HORMAD2: variants seen among roughly 807,000 people sequenced by gnomAD.
The protein encoded by HORMAD2 is HORMA domain-containing protein 2.
Under a neutral mutation model 38.8 loss-of-function variants are expected in HORMAD2, and 45 were observed. That is an observed-to-expected ratio of 1.16 (90% CI 0.91 to 1.49). HORMAD2 has a LOEUF of 1.49. HORMAD2 is among the 40% of genes most tolerant of loss of function. The probability of loss-of-function intolerance (pLI) is 0.00; values close to 1 mark genes in which losing one functional copy is unlikely to be tolerated. For missense variants in HORMAD2, 338 were observed against 367.0 expected, an observed-to-expected ratio of 0.92 and a Z score of 0.65; for synonymous variants, 126 against 122.8, an observed-to-expected ratio of 1.03 and a Z score of -0.17.
intron 10 of HORMAD2, among the ~76,000 whole-genome samples, chr22:30,135,559 C>A (rs1356909976): frequency 2.0e-5 from 3 of 152,070 alleles, no homozygotes; most frequent in Non-Finnish European, 4.4e-5. Flanking sequence ...TTTTAATATT[C>A]AGCTTTTCAG....
the HORMAD2 span, among the ~76,000 whole-genome samples, chr22:30,190,571 G>T: frequency 5.3e-5 from 8 of 152,212 alleles, no homozygotes; most frequent in African/African-American, 1.9e-4. Context: ...CTCCAGTAAG[G>T]TTGAAGCACT....
chr22:30,113,408 T>G (rs1478076397), intron 7 of HORMAD2, among the ~76,000 whole-genome samples: 1 of 151,936 alleles, frequency 6.6e-6, no homozygotes, highest in Non-Finnish European at 1.5e-5. Flanking sequence ...ATTTTTAATT[T>G]TTATATTTTT....
intron 10 of HORMAD2, among the ~76,000 whole-genome samples, chr22:30,133,099 T>G (rs1376432795): frequency 6.6e-6 from 1 of 152,214 alleles, no homozygotes. Flanking sequence ...AACTCAGATT[T>G]TTTTCAAAGT....
chr22:30,125,216 C>CTTTTTTTTTTTTTTTTTTT lies in HORMAD2; in HGVS notation c.819+3010_819+3028dup, dbSNP rs1167990121. 2.1e-3 allele frequency among the ~76,000 whole-genome samples: 93 copies of CTTTTTTTTTTTTTTTTTTT among 43,478 alleles called. 21 individuals are homozygous for CTTTTTTTTTTTTTTTTTTT. The highest frequency in any genetic ancestry group is 7.8e-3 in the South Asian group (5 of 638). 28.5% of individuals were successfully genotyped at this position (43,478 alleles called of 152,430 possible). A position where few individuals can be genotyped will look rare whatever the true frequency, so the allele number is the denominator to read the frequency against. On this transcript the variant is annotated intron_variant, in intron 10 of 10. Coordinates refer to ENST00000336726, the MANE Select transcript of HORMAD2 (RefSeq NM_152510.4). ...CATCTTTTCACTTTCTTTTTCTTTT[C>CTTTTTTTTTTTTTTTTTTT]TTTTTTTTTTTTTTTTTTTTTTTTT...
At chr22:30,137,169 T>G (rs772620180) in intron 10 of HORMAD2, 1 of 541,624 alleles carries the variant, frequency 1.8e-6, no homozygotes, top group Non-Finnish European at 3.5e-6. Context: ...GCCATGGAAA[T>G]TAATCAGGCA....
chr22:30,135,951 G>A (rs1923622372), intron 10 of HORMAD2, among the ~76,000 whole-genome samples: 1 of 152,198 alleles, frequency 6.6e-6, no homozygotes. Context: ...TCCATAACCT[G>A]AGGGACACCA....
At chr22:30,165,911 T>G (rs1465921369) in intron 10 of HORMAD2, among the ~76,000 whole-genome samples, 1 of 151,830 alleles carries the variant, frequency 6.6e-6, no homozygotes, top group African/African-American at 2.4e-5. Flanking sequence ...GTAGGGTAAC[T>G]GTTTCCCCTC....
the HORMAD2 span, among the ~76,000 whole-genome samples, chr22:30,194,454 T>C: frequency 6.6e-6 from 1 of 152,218 alleles, no homozygotes; most frequent in African/African-American, 2.4e-5. Context: ...CTATGGCTGG[T>C]TGGGATTTGT....
the HORMAD2 span, among the ~76,000 whole-genome samples, chr22:30,185,071 C>T: frequency 6.6e-6 from 1 of 152,186 alleles, no homozygotes; most frequent in East Asian, 1.9e-4. Context: ...TTTTTAACAA[C>T]CAGGAGATAG....
intron 10 of HORMAD2, among the ~76,000 whole-genome samples, chr22:30,125,635 T>C (rs904250741): frequency 1.3e-5 from 2 of 152,218 alleles, no homozygotes; most frequent in Non-Finnish European, 2.9e-5. Flanking sequence ...TAAGAAATCC[T>C]CTACCTAAGG....
At chr22:30,157,179 A>G (rs1371510237) in intron 10 of HORMAD2, among the ~76,000 whole-genome samples, 4 of 152,168 alleles carry the variant, frequency 2.6e-5, no homozygotes, top group Admixed American at 6.5e-5. Context: ...GACTTCTCCA[A>G]CCAGGTGGGT....
intron 10 of HORMAD2, among the ~76,000 whole-genome samples, chr22:30,158,483 CT>C (rs959631823): frequency 1.3e-5 from 2 of 150,092 alleles, no homozygotes; most frequent in African/African-American, 5.0e-5. Context: ...CTTTTCTTTT[CT>C]TTTTTCTTTT....
chr22:30,088,040 TACACACGTACACACGTATACATATAC>T (rs2068603620), intron 1 of HORMAD2, among the ~76,000 whole-genome samples: 5 of 141,464 alleles, frequency 3.5e-5, no homozygotes, highest in Admixed American at 6.9e-5. Context: ...TATATGTGTA[TACACACGTACACACGTATACATATAC>T]ACACACGTAC....
chr22:30,094,809 G>A (rs2068753730), intron 2 of HORMAD2, among the ~76,000 whole-genome samples: 1 of 152,152 alleles, frequency 6.6e-6, no homozygotes. Flanking sequence ...CATATGCCTT[G>A]GCTCAGAATA....
intron 10 of HORMAD2, among the ~76,000 whole-genome samples, chr22:30,135,074 T>C (rs1923563199): frequency 6.6e-6 from 1 of 151,982 alleles, no homozygotes; most frequent in Non-Finnish European, 1.5e-5. Flanking sequence ...TCAATCTAGG[T>C]CTGTCTGGCT....
chr22:30,152,162 A>T (rs1924791373), intron 10 of HORMAD2, among the ~76,000 whole-genome samples: 1 of 151,910 alleles, frequency 6.6e-6, no homozygotes, highest in African/African-American at 2.4e-5. Context: ...TAGAACTTAG[A>T]GTCTCTGTTC....
intron 10 of HORMAD2, among the ~76,000 whole-genome samples, chr22:30,155,341 A>G (rs1475746583): frequency 6.6e-6 from 1 of 152,084 alleles, no homozygotes; most frequent in African/African-American, 2.4e-5. Flanking sequence ...TTATTCACTT[A>G]TTTATATCAG....
chr22:30,187,863 A>C, the HORMAD2 span, among the ~76,000 whole-genome samples: 3 of 150,726 alleles, frequency 2.0e-5, no homozygotes, highest in African/African-American at 7.3e-5. Flanking sequence ...TATAAAGTTC[A>C]GTTTTCTTAG....
At position 30,112,449 on chromosome 22, in the gene HORMAD2, T is replaced by C; in HGVS notation, c.316-47T>C. On this transcript the variant is annotated intron_variant, in intron 6 of 10. Coordinates refer to ENST00000336726, the MANE Select transcript of HORMAD2 (RefSeq NM_152510.4). ...AAAAAAGGTATTTGATGAGGAGTAATCTAGTAAATTCCAGAAATTAAATGA... is the reference window on the plus strand; with the variant it reads ...AAAAAAGGTATTTGATGAGGAGTAACCTAGTAAATTCCAGAAATTAAATGA... 3.2e-6 allele frequency: 3 copies of C among 936,822 alleles called. No homozygotes were observed. The East Asian group carries it at 8.7e-5, about 27-fold the overall frequency. 58.0% of individuals were successfully genotyped at this position (936,822 alleles called of 1,614,324 possible).
Sources: allele counts gnomAD v4.1 joint callset (sites outside exome capture counted in the v4.1 genomes callset), GRCh38; gene constraint gnomAD v4.1.1; transcripts MANE v1.5; gene names NCBI Gene and HGNC (gene_info 2026-07-23, HGNC 2026-07-21).